Variants in NALF1 observed in about 807,000 individuals in gnomAD.
NALF1 encodes the protein family with sequence similarity 155 member A.
Under a neutral mutation model 48.4 loss-of-function variants are expected in NALF1, and 3 were observed. The observed-to-expected ratio is 0.06, with a 90% CI of 0.03 to 0.16. The LOEUF is 0.16. Among genes scored for constraint, NALF1 ranks in the 10% least tolerant of loss-of-function variants. NALF1 has a pLI of 1.00. For missense variants in NALF1, 526 were observed against 571.5 expected (o/e 0.92, Z 0.81); for synonymous variants, 262 against 245.7 (o/e 1.07, Z -0.62).
At chr13:107,666,500 C>G (rs946951221) in intron 1 of NALF1, among the ~76,000 whole-genome samples, 4 of 152,108 alleles carry the variant, frequency 2.6e-5, no homozygotes, top group Non-Finnish European at 5.9e-5. Flanking sequence ...AATATAGGTG[C>G]CACCGTTTTG....
intron 1 of NALF1, among the ~76,000 whole-genome samples, chr13:107,820,150 G>A (rs1033561892): frequency 2.0e-5 from 3 of 152,066 alleles, no homozygotes; most frequent in East Asian, 1.9e-4. Flanking sequence ...GCTCCTTGGC[G>A]GTTGACTGTT....
At chr13:107,818,019 C>T (rs1322370730) in intron 1 of NALF1, among the ~76,000 whole-genome samples, 2 of 152,184 alleles carry the variant, frequency 1.3e-5, no homozygotes, top group Non-Finnish European at 2.9e-5. Flanking sequence ...TAGAAACAGA[C>T]ATGAAATAAA....
intron 1 of NALF1, among the ~76,000 whole-genome samples, chr13:107,229,197 T>A (rs1880168933): frequency 6.6e-6 from 1 of 152,050 alleles, no homozygotes; most frequent in Non-Finnish European, 1.5e-5. Flanking sequence ...TAATAATACA[T>A]TTAGGTGAGC....
At chr13:107,863,551 T>C (rs1880633939) in intron 1 of NALF1, among the ~76,000 whole-genome samples, 1 of 152,174 alleles carries the variant, frequency 6.6e-6, no homozygotes, top group Non-Finnish European at 1.5e-5. Context: ...CAATTAATTC[T>C]CCATTGCGGT....
At chr13:107,567,129 T>A (rs1182635395) in intron 1 of NALF1, among the ~76,000 whole-genome samples, 3 of 152,234 alleles carry the variant, frequency 2.0e-5, no homozygotes, top group Non-Finnish European at 4.4e-5. Flanking sequence ...CTTCCAATTT[T>A]GTCCTTATAT....
At chr13:107,822,772 G>A (rs1213292576) in intron 1 of NALF1, among the ~76,000 whole-genome samples, 2 of 152,072 alleles carry the variant, frequency 1.3e-5, no homozygotes, top group Non-Finnish European at 2.9e-5. Flanking sequence ...TTAGCATTCT[G>A]GAAAGATATG....
At chr13:107,705,526 ATG>A (rs1490372693) in intron 1 of NALF1, among the ~76,000 whole-genome samples, 5 of 138,188 alleles carry the variant, frequency 3.6e-5, no homozygotes, top group Non-Finnish European at 8.0e-5. Context: ...ATATATATAT[ATG>A]TATATAATAG....
At chr13:107,857,478 A>C (rs1302344521) in intron 1 of NALF1, among the ~76,000 whole-genome samples, 2 of 152,184 alleles carry the variant, frequency 1.3e-5, no homozygotes, top group Non-Finnish European at 2.9e-5. Flanking sequence ...GAGATGGAGG[A>C]TCACTACAAT....
rs554815105 is a variant in NALF1 at position 107,276,790 on chromosome 13, T to A, written c.916-66035A>T. Among the ~76,000 whole-genome samples, 3 of 152,158 alleles carry A rather than the reference T, an allele frequency of 2.0e-5. No individual in the cohort carries two copies. In the South Asian group the frequency reaches 6.2e-4, roughly 32 times the overall value. ...CATCATTTATAAAAAAGTAAAAAAA[T>A]TATGCATTTATATTTAAAATTTAAA... On this transcript the variant is annotated intron_variant, in intron 1 of 2. Coordinates refer to ENST00000375915, the MANE Select transcript of NALF1 (RefSeq NM_001080396.3).
At chr13:107,760,040 T>C (rs1877222331) in intron 1 of NALF1, among the ~76,000 whole-genome samples, 1 of 152,296 alleles carries the variant, frequency 6.6e-6, no homozygotes, top group African/African-American at 2.4e-5. Context: ...CATTCCAATA[T>C]ACAGCCATTC....
intron 1 of NALF1, among the ~76,000 whole-genome samples, chr13:107,676,376 G>A (rs1001728954): frequency 6.6e-6 from 1 of 152,112 alleles, no homozygotes; most frequent in African/African-American, 2.4e-5. Context: ...TCAAGTGGAG[G>A]AATAGTGGGA....
At chr13:107,861,311 C>T (rs1309602125) in intron 1 of NALF1, among the ~76,000 whole-genome samples, 1 of 152,028 alleles carries the variant, frequency 6.6e-6, no homozygotes, top group African/African-American at 2.4e-5. Context: ...AGAAGCAATT[C>T]CACTATAAAA....
intron 1 of NALF1, among the ~76,000 whole-genome samples, chr13:107,603,481 C>T (rs747097747): frequency 5.9e-5 from 9 of 151,998 alleles, no homozygotes; most frequent in Non-Finnish European, 1.2e-4. Flanking sequence ...GCACATAGTA[C>T]AGTCTAAAAT....
intron 1 of NALF1, among the ~76,000 whole-genome samples, chr13:107,768,898 T>G (rs1054663521): frequency 6.6e-6 from 1 of 152,034 alleles, no homozygotes; most frequent in Non-Finnish European, 1.5e-5. Flanking sequence ...CAGACACTTC[T>G]CAAAAGAAGA....
chr13:107,741,743 A>C (rs1187679622), intron 1 of NALF1, among the ~76,000 whole-genome samples: 1 of 152,220 alleles, frequency 6.6e-6, no homozygotes, highest in African/African-American at 2.4e-5. Context: ...GAGTGACTGA[A>C]TGAGAAACTG....
intron 1 of NALF1, among the ~76,000 whole-genome samples, chr13:107,347,561 C>G (rs1165833861): frequency 6.6e-6 from 1 of 152,204 alleles, no homozygotes; most frequent in Non-Finnish European, 1.5e-5. Context: ...ATCATCTTCT[C>G]TTTCACGGGC....
chr13:107,729,677 C>G (rs1163562650), intron 1 of NALF1, among the ~76,000 whole-genome samples: 2 of 152,084 alleles, frequency 1.3e-5, no homozygotes, highest in Admixed American at 1.3e-4. Flanking sequence ...CGGGGTTTCA[C>G]CATGTTGGTC....
chr13:107,589,955 A>G lies in NALF1; in HGVS notation c.915+275727T>C, dbSNP rs149295707. ...GCTACTAGGCACTTCCACCACTTCT[A>G]TTACGAATAGATTACTATTTCTTGC... On this transcript the variant is annotated intron_variant, in intron 1 of 2. Transcript: ENST00000375915. Among the ~76,000 whole-genome samples, 7 of 152,138 alleles carry G rather than the reference A, an allele frequency of 4.6e-5. No individual in the cohort carries two copies. In the East Asian group the frequency reaches 1.4e-3, roughly 29 times the overall value.
intron 1 of NALF1, among the ~76,000 whole-genome samples, chr13:107,249,824 C>T (rs977918172): frequency 1.3e-5 from 2 of 152,054 alleles, no homozygotes; most frequent in Non-Finnish European, 2.9e-5. Flanking sequence ...ATTAACCTAA[C>T]AGTTTTGATT....
Sources: gnomAD v4.1 joint callset for allele counts (sites outside exome capture counted in the v4.1 genomes callset) on GRCh38, gnomAD v4.1.1 for gene constraint, MANE v1.5 for transcripts, NCBI Gene and HGNC (gene_info 2026-07-23, HGNC 2026-07-21) for gene names.